The following AMMECR1 variants were observed in gnomAD, a reference collection of about 807,000 sequenced individuals.
The protein encoded by AMMECR1 is AMMECR nuclear protein 1.
In AMMECR1, 3 loss-of-function variants were observed where a neutral mutation model predicts 22.5. The ratio of observed to expected loss-of-function variants is 0.13; its 90% CI spans 0.06 to 0.35. The LOEUF (loss-of-function observed/expected upper bound fraction) is 0.35, where lower values mean the gene tolerates loss of function less well. Ranked by LOEUF, AMMECR1 falls within the 10% of genes least tolerant of loss-of-function variation. AMMECR1 has a pLI of 1.00. For synonymous variants in AMMECR1, 130 were observed against 116.7 expected (o/e 1.11, Z -0.74); for missense variants, 235 against 278.7 (o/e 0.84, Z 1.12).
At chrX:110,425,971 T>C (rs2068750046) in intron 2 of AMMECR1, among the ~76,000 whole-genome samples, 2 of 110,637 alleles carry the variant, frequency 1.8e-5, no homozygotes, top group African/African-American at 6.8e-5. Context: ...GTTTAGTGCG[T>C]GCGTGCGCGC....
chrX:110,345,552 G>A (rs1262413980), intron 2 of AMMECR1, among the ~76,000 whole-genome samples: 1 of 108,566 alleles, frequency 9.2e-6, no homozygotes, highest in East Asian at 2.8e-4. Flanking sequence ...TAATACCTGA[G>A]GACACATGGG....
intron 3 of AMMECR1, among the ~76,000 whole-genome samples, chrX:110,212,893 A>T (rs899675070): frequency 6.3e-5 from 7 of 111,979 alleles, no homozygotes; most frequent in Admixed American, 9.5e-5. Flanking sequence ...TGGAAAAAAA[A>T]TTTTAAAAAG....
intron 3 of AMMECR1, among the ~76,000 whole-genome samples, chrX:110,209,244 T>C (rs753333745): frequency 8.9e-5 from 10 of 112,201 alleles, no homozygotes; most frequent in Non-Finnish European, 1.7e-4. Context: ...TTTAACTTAG[T>C]CTACAAAAGA....
At position 110,317,765 on chromosome X, in the gene AMMECR1, C is replaced by T. The variant is rs1198939212; in HGVS notation, c.307G>A (p.Ala103Thr). 2 of 1,181,493 alleles carry T rather than the reference C, an allele frequency of 1.7e-6. No homozygotes were observed. Among genetic ancestry groups the T allele is most frequent in the African/African-American group, 1.8e-5 (1 of 57,051 alleles). The change falls in exon 1 of 6, where the codon GCC (alanine) becomes ACC (threonine). Residue 103 changes from alanine to threonine, a missense_variant. Ala to Thr is a moderately conservative substitution (Grantham distance 58). Transcript: ENST00000262844. ...VGTLLSTPAA[A>T]TSSSPSSSSA... Reference sequence around the variant, plus strand: ...GATGAGGAGGGTGAGGAAGAGGTGGCGGCGGCCGGGGTAGAAAGTAGGGTC... The same window carrying T: ...GATGAGGAGGGTGAGGAAGAGGTGGTGGCGGCCGGGGTAGAAAGTAGGGTC...
At chrX:110,271,580 A>T (rs1319023950) in intron 1 of AMMECR1, among the ~76,000 whole-genome samples, 1 of 112,055 alleles carries the variant, frequency 8.9e-6, no homozygotes, top group Non-Finnish European at 1.9e-5. Flanking sequence ...AATTTTCAGC[A>T]AACGAAAAAA....
intron 2 of AMMECR1, among the ~76,000 whole-genome samples, chrX:110,261,143 G>A (rs750103863): frequency 9.1e-6 from 1 of 110,476 alleles, no homozygotes; most frequent in Non-Finnish European, 1.9e-5. Context: ...ACATGATTGC[G>A]CTTAAGGCCA....
intron 2 of AMMECR1, among the ~76,000 whole-genome samples, chrX:110,356,296 G>C (rs746412716): frequency 1.8e-5 from 2 of 108,619 alleles, no homozygotes; most frequent in East Asian, 5.8e-4. Flanking sequence ...GGGATTACAG[G>C]CATGTACCTC....
chrX:110,321,412 A>C (rs980301156), upstream of AMMECR1, among the ~76,000 whole-genome samples: 3 of 110,579 alleles, frequency 2.7e-5, no homozygotes, highest in Non-Finnish European at 3.8e-5. Context: ...AATTGTGAGC[A>C]TTTTTATTTC....
Position 110,346,606 on chromosome X carries a change from C to T in AMMECR1, c.-147-28757G>A, listed in dbSNP as rs1014760841. The stretch of plus-strand genomic sequence containing the variant: ...TTTGTATATTACAGCACATGTGTTA[C>T]AGGGATAAGCTTTTGTACAGGCTTC... On this transcript the variant is annotated intron_variant, in intron 2 of 7. Transcript: ENST00000372057. 1.4e-5 allele frequency: 7 copies of T among 503,198 alleles called. No homozygotes were observed. In the African/African-American group the frequency reaches 1.6e-4, roughly 12 times the overall value. 41.5% of individuals were successfully genotyped at this position (503,198 alleles called of 1,213,427 possible).
At chrX:110,349,688 T>A (rs1157590439) in intron 2 of AMMECR1, among the ~76,000 whole-genome samples, 1 of 112,260 alleles carries the variant, frequency 8.9e-6, no homozygotes, top group Non-Finnish European at 1.9e-5. Context: ...ATTTTTATAC[T>A]GTTCTTAGTA....
At chrX:110,411,925 T>C (rs1429502404) in intron 2 of AMMECR1, among the ~76,000 whole-genome samples, 7 of 112,453 alleles carry the variant, frequency 6.2e-5, no homozygotes, top group African/African-American at 2.3e-4. Context: ...ACTCAATAAA[T>C]ACTTGTTGAA....
At chrX:110,249,046 G>A (rs1379626344) in intron 2 of AMMECR1, among the ~76,000 whole-genome samples, 2 of 111,751 alleles carry the variant, frequency 1.8e-5, no homozygotes, top group Admixed American at 9.5e-5. Flanking sequence ...ATACCAAACT[G>A]AACTGGGAGG....
chrX:110,266,699 TA>T lies in AMMECR1; in HGVS notation c.474-2101del, dbSNP rs1467618423. On this transcript the variant is annotated intron_variant, in intron 1 of 5. Coordinates refer to ENST00000262844, the MANE Select transcript of AMMECR1 (RefSeq NM_015365.3). ...CCCAGCCTGTCTCTTTTTTTTTTTTTAAATTATACTTTAAGTTCTGGGGTAC... is the reference window on the plus strand; with the variant it reads ...CCCAGCCTGTCTCTTTTTTTTTTTTTAATTATACTTTAAGTTCTGGGGTAC... 6.9e-3 allele frequency among the ~76,000 whole-genome samples: 757 copies of T among 109,509 alleles called. 7 individuals are homozygous for T. Among genetic ancestry groups the T allele is most frequent in the African/African-American group, 0.024 (734 of 30,001 alleles).
At chrX:110,324,985 T>G (rs1262015834) in intron 2 of AMMECR1, among the ~76,000 whole-genome samples, 2 of 111,197 alleles carry the variant, frequency 1.8e-5, no homozygotes, top group African/African-American at 6.5e-5. Flanking sequence ...TGTCTAGTTT[T>G]GGCATCAGGA....
chrX:110,302,664 A>C (rs757807540), intron 1 of AMMECR1, among the ~76,000 whole-genome samples: 1 of 110,863 alleles, frequency 9.0e-6, no homozygotes, highest in East Asian at 2.9e-4. Flanking sequence ...CCTGAGGTCA[A>C]GAGTTCAAGA....
At chrX:110,319,530 A>G (rs144407763), upstream of AMMECR1, among the ~76,000 whole-genome samples, 205 of 112,391 alleles carry the variant, frequency 1.8e-3, 4 homozygotes, top group East Asian at 0.054. Context: ...CTCCCGCTCT[A>G]AAAGAGTTTA....
chrX:110,311,608 G>A (rs1351518865), intron 1 of AMMECR1, among the ~76,000 whole-genome samples: 1 of 111,556 alleles, frequency 9.0e-6, no homozygotes, highest in Non-Finnish European at 1.9e-5. Context: ...ATTAAGAGCT[G>A]TAGAAAATAC....
chrX:110,367,995 A>G (rs1217683835), intron 2 of AMMECR1, among the ~76,000 whole-genome samples: 8 of 102,045 alleles, frequency 7.8e-5, no homozygotes, highest in African/African-American at 2.8e-4. Flanking sequence ...TATTATTATT[A>G]TTATTATTAT....
intron 2 of AMMECR1, among the ~76,000 whole-genome samples, chrX:110,417,080 C>T (rs967024621): frequency 1.8e-5 from 2 of 112,292 alleles, no homozygotes; most frequent in Non-Finnish European, 3.8e-5. Flanking sequence ...CCTTCAAAGG[C>T]AGTCTGTTTG....
Sources: gnomAD v4.1 joint callset for allele counts (sites outside exome capture counted in the v4.1 genomes callset) on GRCh38, gnomAD v4.1.1 for gene constraint, MANE v1.5 for transcripts, NCBI Gene and HGNC (gene_info 2026-07-23, HGNC 2026-07-21) for gene names.